The following BICC1 variants were observed in gnomAD, a reference collection of about 807,000 sequenced individuals.
BICC1 encodes BicC family RNA binding protein 1, also known as protein bicaudal C homolog 1.
A neutral mutation model predicts 111.0 loss-of-function variants in BICC1; 43 were observed. The ratio of observed to expected loss-of-function variants is 0.39; its 90% CI spans 0.30 to 0.50. The LOEUF (loss-of-function observed/expected upper bound fraction) is 0.50, where lower values mean the gene tolerates loss of function less well. Ranked by LOEUF, BICC1 falls within the 20% of genes least tolerant of loss-of-function variation. The probability of loss-of-function intolerance (pLI) is 0.88; values close to 1 mark genes in which losing one functional copy is unlikely to be tolerated. For missense variants in BICC1, 1,091 were observed against 1,203.2 expected (o/e 0.91, Z 1.38); for synonymous variants, 467 against 434.4 (o/e 1.07, Z -0.93).
intron 1 of BICC1, among the ~76,000 whole-genome samples, chr10:58,608,352 C>T (rs1845302134): frequency 6.6e-6 from 1 of 152,124 alleles, no homozygotes; most frequent in Non-Finnish European, 1.5e-5. Context: ...CCCCTTCCTC[C>T]CCTGGCCTGT....
At chr10:58,678,217 G>A (rs1839404605) in intron 2 of BICC1, among the ~76,000 whole-genome samples, 1 of 152,166 alleles carries the variant, frequency 6.6e-6, no homozygotes, top group African/African-American at 2.4e-5. Flanking sequence ...AAATGTAAAT[G>A]GGCTAAATGC....
chr10:58,627,909 G>T (rs1001976256), intron 2 of BICC1, among the ~76,000 whole-genome samples: 3 of 152,068 alleles, frequency 2.0e-5, no homozygotes, highest in Non-Finnish European at 4.4e-5. Context: ...TATTTGAAAT[G>T]TGGTATATCA....
intron 1 of BICC1, among the ~76,000 whole-genome samples, chr10:58,541,745 C>A (rs767603292): frequency 2.0e-5 from 3 of 151,790 alleles, no homozygotes; most frequent in Non-Finnish European, 4.4e-5. Context: ...CCAGAAAAGC[C>A]AAAAAAGTCT....
chr10:58,564,582 G>C (rs1005725498), intron 1 of BICC1, among the ~76,000 whole-genome samples: 2 of 152,188 alleles, frequency 1.3e-5, no homozygotes, highest in Non-Finnish European at 2.9e-5. Flanking sequence ...GACATGGGTA[G>C]AGACAACTAT....
At chr10:58,530,359 C>A (rs1222218579) in intron 1 of BICC1, among the ~76,000 whole-genome samples, 7 of 151,774 alleles carry the variant, frequency 4.6e-5, no homozygotes, top group Non-Finnish European at 8.8e-5. Flanking sequence ...CCTAAATTGT[C>A]CACCTAAGGA....
chr10:58,589,412 G>A (rs1844531560), intron 1 of BICC1, among the ~76,000 whole-genome samples: 1 of 151,844 alleles, frequency 6.6e-6, no homozygotes, highest in Non-Finnish European at 1.5e-5. Flanking sequence ...AAATTGTACA[G>A]CTGGCACACA....
chr10:58,590,676 A>C (rs574301808), intron 1 of BICC1, among the ~76,000 whole-genome samples: 1 of 152,200 alleles, frequency 6.6e-6, no homozygotes, highest in Non-Finnish European at 1.5e-5. Context: ...TCTCACTGCA[A>C]ATCCACAGCC....
intron 20 of BICC1, among the ~76,000 whole-genome samples, chr10:58,826,669 G>A (rs1001689689): frequency 6.6e-5 from 10 of 152,236 alleles, no homozygotes; most frequent in African/African-American, 2.4e-4. Context: ...TGAGGCAGGA[G>A]AATGACATGA....
intron 3 of BICC1, among the ~76,000 whole-genome samples, chr10:58,742,414 GT>G (rs1348060091): frequency 5.3e-5 from 8 of 150,162 alleles, no homozygotes; most frequent in Non-Finnish European, 8.9e-5. Flanking sequence ...CTGCCATGAG[GT>G]CATGTGTATG....
rs57175893 is a variant in BICC1 at position 58,613,004 on chromosome 10, T to G, written c.191-7851T>G. Among the ~76,000 whole-genome samples, 1,404 of 152,314 alleles carry G rather than the reference T, an allele frequency of 9.2e-3. 17 individuals carry two copies. Among genetic ancestry groups the G allele is most frequent in the African/African-American group, 0.032 (1,342 of 41,562 alleles). ...TACACCTGTTTCAACTTTTGCTGTT[T>G]TTATTGGCAGTGGCTTTTGCCATCC... On this transcript the variant is annotated intron_variant, in intron 1 of 20. Transcript: ENST00000373886.
intron 3 of BICC1, among the ~76,000 whole-genome samples, chr10:58,776,668 A>G (rs1842756813): frequency 6.6e-6 from 1 of 152,120 alleles, no homozygotes; most frequent in Non-Finnish European, 1.5e-5. Flanking sequence ...CGTCTCCACC[A>G]TCACAAGAGT....
At chr10:58,798,361 A>G in intron 10 of BICC1, 38 bp from the exon 11 acceptor site, 3 of 1,470,468 alleles carry the variant, frequency 2.0e-6, no homozygotes, top group Non-Finnish European at 2.7e-6. Flanking sequence ...AAAATCTTAA[A>G]TTTATGTGAA....
intron 1 of BICC1, among the ~76,000 whole-genome samples, chr10:58,525,655 A>G (rs1175246144): frequency 6.8e-6 from 1 of 147,996 alleles, no homozygotes; most frequent in Non-Finnish European, 1.5e-5. Flanking sequence ...TGGCACATGT[A>G]TACATATGTA....
At chr10:58,696,675 A>T (rs1840074074) in intron 2 of BICC1, among the ~76,000 whole-genome samples, 1 of 152,220 alleles carries the variant, frequency 6.6e-6, no homozygotes, top group Non-Finnish European at 1.5e-5. Context: ...TTGAGAAGAG[A>T]TTTCTTTTGT....
chr10:58,653,523 AT>A (rs1033134022), intron 2 of BICC1, among the ~76,000 whole-genome samples: 18 of 152,290 alleles, frequency 1.2e-4, no homozygotes, highest in African/African-American at 4.3e-4. Context: ...TTCAGTGAAA[AT>A]GTGGTTCAGC....
intron 2 of BICC1, among the ~76,000 whole-genome samples, chr10:58,625,480 G>A (rs956654001): frequency 1.3e-5 from 2 of 152,012 alleles, no homozygotes; most frequent in African/African-American, 4.8e-5. Flanking sequence ...GTTGCATTGG[G>A]TTATGTACAG....
chr10:58,706,621 A>G (rs1840394020), intron 3 of BICC1, among the ~76,000 whole-genome samples: 1 of 152,156 alleles, frequency 6.6e-6, no homozygotes, highest in African/African-American at 2.4e-5. Flanking sequence ...TGATTGGATC[A>G]TGGGGGTGGT....
intron 1 of BICC1, among the ~76,000 whole-genome samples, chr10:58,540,348 A>T (rs1032464434): frequency 6.6e-6 from 1 of 151,952 alleles, no homozygotes; most frequent in African/African-American, 2.4e-5. Context: ...TCTTAAAAAG[A>T]TCAACAAAAT....
chr10:58,530,877 C>A (rs1475079060), intron 1 of BICC1, among the ~76,000 whole-genome samples: 2 of 151,690 alleles, frequency 1.3e-5, no homozygotes, highest in African/African-American at 4.8e-5. Flanking sequence ...AGACTTCTAC[C>A]CCTACAGAAA....
Sources: gnomAD v4.1 joint callset for allele counts (sites outside exome capture counted in the v4.1 genomes callset) on GRCh38, gnomAD v4.1.1 for gene constraint, MANE v1.5 for transcripts, NCBI Gene and HGNC (gene_info 2026-07-23, HGNC 2026-07-21) for gene names.